Variants in RNF217 observed in about 807,000 individuals in gnomAD.
RNF217 encodes the protein ring finger protein 217, also known as E3 ubiquitin-protein ligase RNF217.
RNF217 carries 31 observed loss-of-function variants against 57.8 expected under a neutral mutation model. The ratio of observed to expected loss-of-function variants is 0.54; its 90% CI spans 0.40 to 0.72. The LOEUF is 0.72. Ranked by LOEUF, RNF217 falls within the 30% of genes least tolerant of loss-of-function variation. The probability of loss-of-function intolerance (pLI) is 0.00; values close to 1 mark genes in which losing one functional copy is unlikely to be tolerated. For synonymous variants in RNF217, 313 were observed against 294.0 expected, an observed-to-expected ratio of 1.06 and a Z score of -0.66; for missense variants, 696 against 708.3, an observed-to-expected ratio of 0.98 and a Z score of 0.20.
At chr6:125,048,041 T>C (rs1439052088) in intron 2 of RNF217, 1 of 368,774 alleles carries the variant, frequency 2.7e-6, no homozygotes, top group African/African-American at 2.1e-5. Context: ...AGCAATAATT[T>C]TTACTTATTT....
intron 3 of RNF217, among the ~76,000 whole-genome samples, chr6:125,060,356 T>TAC (rs71706851): frequency 0.1 from 15,222 of 150,138 alleles, 885 homozygotes; most frequent in African/African-American, 0.17. Flanking sequence ...TATATGTGTA[T>TAC]ACACACACAC....
chr6:124,999,495 C>CG (rs1369429256), intron 1 of RNF217, among the ~76,000 whole-genome samples: 1 of 151,522 alleles, frequency 6.6e-6, no homozygotes, highest in Non-Finnish European at 1.5e-5. Flanking sequence ...GGTTCAAACT[C>CG]ATTGTTATGT....
intron 1 of RNF217, among the ~76,000 whole-genome samples, chr6:125,015,194 T>C (rs1008760142): frequency 7.2e-5 from 11 of 152,192 alleles, no homozygotes; most frequent in Admixed American, 5.9e-4. Flanking sequence ...AAGGAACATA[T>C]TATATAGTTT....
chr6:125,013,564 T>C (rs1215431998), intron 1 of RNF217, among the ~76,000 whole-genome samples: 1 of 148,418 alleles, frequency 6.7e-6, no homozygotes, highest in East Asian at 2.0e-4. Flanking sequence ...AAAAAAAAAG[T>C]AGTCTGAAAG....
At chr6:125,029,550 G>A (rs747327168) in intron 1 of RNF217, among the ~76,000 whole-genome samples, 29 of 152,312 alleles carry the variant, frequency 1.9e-4, no homozygotes, top group Middle Eastern at 3.4e-3. Context: ...AGGCTCCGTT[G>A]AAGTTTCTGT....
intron 1 of RNF217, among the ~76,000 whole-genome samples, chr6:124,997,379 A>G (rs536278201): frequency 8.5e-4 from 129 of 152,320 alleles, no homozygotes; most frequent in Non-Finnish European, 1.4e-3. Context: ...ATTCCTGGAA[A>G]TCATTCCTAC....
chr6:125,071,335 G>A (rs536025481), intron 3 of RNF217, among the ~76,000 whole-genome samples: 8 of 152,232 alleles, frequency 5.3e-5, no homozygotes, highest in African/African-American at 7.2e-5. Context: ...GCAGTCACCC[G>A]TGCCATCACG....
At position 125,087,537 on chromosome 6, in the gene RNF217, A is replaced by G. The variant is rs901229390; in HGVS notation, c.*4600A>G. On this transcript the variant is annotated 3_prime_UTR_variant, in exon 6 of 6. Coordinates refer to ENST00000521654, the MANE Select transcript of RNF217 (RefSeq NM_001286398.3). ...TGTGCCATTTAAATAATGACAAAGCAATCAATGCATACATTTCAATGGAGA... is the reference window on the plus strand; with the variant it reads ...TGTGCCATTTAAATAATGACAAAGCGATCAATGCATACATTTCAATGGAGA... The G allele has an allele frequency of 6.6e-6, 1 of 152,166 alleles. No homozygotes were observed. The highest frequency in any genetic ancestry group is 1.5e-5 in the Non-Finnish European group (1 of 68,010). 9.4% of individuals were successfully genotyped at this position (152,166 alleles called of 1,614,324 possible). A position where few individuals can be genotyped will look rare whatever the true frequency, so the allele number is the denominator to read the frequency against.
At chr6:125,060,356 T>TACACAC (rs71706851) in intron 3 of RNF217, among the ~76,000 whole-genome samples, 20 of 150,240 alleles carry the variant, frequency 1.3e-4, no homozygotes, top group African/African-American at 2.9e-4. Flanking sequence ...TATATGTGTA[T>TACACAC]ACACACACAC....
intron 1 of RNF217, among the ~76,000 whole-genome samples, chr6:124,982,894 C>G (rs985821330): frequency 2.0e-5 from 3 of 152,084 alleles, no homozygotes; most frequent in African/African-American, 7.2e-5. Context: ...CCTGTGTTAC[C>G]TTTGATGAGT....
Position 125,082,590 on chromosome 6 carries a change from T to C in RNF217, c.1556-274T>C, listed in dbSNP as rs955755227. On this transcript the variant is annotated intron_variant, in intron 5 of 5. Coordinates refer to ENST00000521654, the MANE Select transcript of RNF217 (RefSeq NM_001286398.3). ...TGAGTATCATAGTGTGCAAATGATA[T>C]GACTGTGGACAATAAAGAAGATTTA... The C allele has an allele frequency of 5.0e-6, 8 of 1,599,388 alleles. No homozygotes were observed. In the South Asian group the frequency reaches 5.7e-5, roughly 11 times the overall value.
At chr6:125,069,280 C>G (rs776891257) in intron 3 of RNF217, among the ~76,000 whole-genome samples, 4 of 152,080 alleles carry the variant, frequency 2.6e-5, no homozygotes, top group Non-Finnish European at 5.9e-5. Flanking sequence ...AAATCAGCAT[C>G]TATTTATTTT....
chr6:125,071,532 G>GTA (rs1196723390), intron 3 of RNF217, among the ~76,000 whole-genome samples: 35 of 134,242 alleles, frequency 2.6e-4, no homozygotes, highest in African/African-American at 1.1e-3. Flanking sequence ...GTGTGTGTGT[G>GTA]TGTGTATATC....
At chr6:124,968,351 G>C (rs999072776) in intron 1 of RNF217, among the ~76,000 whole-genome samples, 2 of 151,960 alleles carry the variant, frequency 1.3e-5, no homozygotes, top group African/African-American at 2.4e-5. Context: ...GTGTGTGTGC[G>C]TGCGTGTGTG....
chr6:125,081,556 G>C (rs1252763586), intron 5 of RNF217, 49 bp downstream of exon 5: 1 of 1,378,418 alleles, frequency 7.3e-7, no homozygotes, highest in African/African-American at 1.4e-5. Flanking sequence ...GAGGGCCATA[G>C]AGAGAATACG....
intron 2 of RNF217, 144 bp downstream of exon 2, chr6:125,045,588 A>G (rs943174658): frequency 1.1e-5 from 7 of 628,790 alleles, no homozygotes; most frequent in Non-Finnish European, 1.9e-5. Flanking sequence ...CTGAAAGCAT[A>G]TGGTTTGGGG....
rs1436927923 is a variant in RNF217, at chr6:125,076,682, G to A, written c.1307G>A (p.Cys436Tyr). 6.2e-7 allele frequency: 1 copy of A among 1,612,512 alleles called. No individual in the cohort carries two copies. The highest frequency in any genetic ancestry group is 8.5e-7 in the Non-Finnish European group (1 of 1,178,730). ...CKIHIQRTEG[C>Y]DHMTCSQCNT... ...ATCCACATCCAGCGAACTGAAGGAT[G>A]TGACCATATGACCTGCTCACAATGT... Residue 436 changes from cysteine (C) to tyrosine (Y), a missense_variant, in exon 4 of 6, where the codon TGT (cysteine) becomes TAT (tyrosine). Around this residue, in one of 2 missense-constraint regions of RNF217, gnomAD observed 231 missense variants for 321.4 expected, o/e 0.72. Coordinates refer to ENST00000521654, the MANE Select transcript of RNF217 (RefSeq NM_001286398.3).
intron 1 of RNF217, among the ~76,000 whole-genome samples, chr6:124,986,571 G>A (rs1245695563): frequency 6.6e-6 from 1 of 152,052 alleles, no homozygotes; most frequent in Non-Finnish European, 1.5e-5. Context: ...TTTAAAAGTT[G>A]AATTAAACCA....
chr6:125,040,338 T>C lies in RNF217; in HGVS notation c.883-4873T>C, dbSNP rs530160511. 3.3e-5 allele frequency among the ~76,000 whole-genome samples: 5 copies of C among 152,108 alleles called. No homozygotes were observed. In the South Asian group the frequency reaches 1.0e-3, roughly 32 times the overall value. On this transcript the variant is annotated intron_variant, in intron 1 of 5. Transcript: ENST00000521654. ...CTCTACACAAATAAACCAGAAAATC[T>C]AGAAGAAATGGATAAATCCCTGGAC...
Sources: allele counts gnomAD v4.1 joint callset (sites outside exome capture counted in the v4.1 genomes callset), GRCh38; gene constraint gnomAD v4.1.1; regional missense constraint gnomAD v4.1.1; transcripts MANE v1.5; gene names NCBI Gene and HGNC (gene_info 2026-07-23, HGNC 2026-07-21).